CDH18: variants seen among roughly 807,000 people sequenced by gnomAD.
The protein encoded by CDH18 is cadherin 18, also known as cadherin-18.
In CDH18, 31 loss-of-function variants were observed where a neutral mutation model predicts 67.9. That is an observed-to-expected ratio of 0.46 (90% CI 0.34 to 0.62). CDH18 has a LOEUF of 0.62. Among genes scored for constraint, CDH18 ranks in the 20% least tolerant of loss-of-function variants. The probability of loss-of-function intolerance (pLI) is 0.01; values close to 1 mark genes in which losing one functional copy is unlikely to be tolerated. For missense variants in CDH18, 890 were observed against 975.5 expected (o/e 0.91, Z 1.17); for synonymous variants, 362 against 347.2 (o/e 1.04, Z -0.48).
chr5:19,855,142 C>A (rs1364650839), intron 2 of CDH18, among the ~76,000 whole-genome samples: 1 of 152,132 alleles, frequency 6.6e-6, no homozygotes, highest in Non-Finnish European at 1.5e-5. Flanking sequence ...ACGTACCATT[C>A]ATTGAATCTC....
At chr5:20,082,170 G>T (rs1333464456) in intron 2 of CDH18, among the ~76,000 whole-genome samples, 1 of 150,918 alleles carries the variant, frequency 6.6e-6, no homozygotes, top group Non-Finnish European at 1.5e-5. Context: ...TTAATCCTCA[G>T]TTTAAGGTAC....
chr5:20,020,527 G>A (rs1738319964), intron 2 of CDH18, among the ~76,000 whole-genome samples: 1 of 152,140 alleles, frequency 6.6e-6, no homozygotes, highest in Admixed American at 6.5e-5. Context: ...ACTGCTCCCT[G>A]CATCCCAGCT....
At chr5:20,153,865 A>G (rs1751321182) in intron 2 of CDH18, among the ~76,000 whole-genome samples, 1 of 152,182 alleles carries the variant, frequency 6.6e-6, no homozygotes, top group Non-Finnish European at 1.5e-5. Flanking sequence ...GTCTCCGAAT[A>G]CTTTGGGGGT....
At chr5:20,169,148 T>C (rs940173341) in intron 2 of CDH18, among the ~76,000 whole-genome samples, 1 of 152,154 alleles carries the variant, frequency 6.6e-6, no homozygotes, top group African/African-American at 2.4e-5. Flanking sequence ...TTGGATTGTT[T>C]GTAACATAAA....
intron 1 of CDH18, among the ~76,000 whole-genome samples, chr5:20,429,958 G>A (rs10042209): frequency 0.22 from 33,519 of 151,964 alleles, 3,874 homozygotes; most frequent in East Asian, 0.3. Context: ...TTTGATACAA[G>A]TATTTCCCAG....
intron 2 of CDH18, among the ~76,000 whole-genome samples, chr5:20,140,708 T>C (rs960557556): frequency 6.6e-6 from 1 of 152,146 alleles, no homozygotes; most frequent in Non-Finnish European, 1.5e-5. Flanking sequence ...AACAAGTTAT[T>C]AATTTTCATT....
At chr5:19,841,940 A>C (rs1484146790) in intron 2 of CDH18, among the ~76,000 whole-genome samples, 2 of 152,258 alleles carry the variant, frequency 1.3e-5, no homozygotes, top group East Asian at 3.8e-4. Flanking sequence ...GAACAAATGT[A>C]AACATCACTA....
chr5:19,937,545 C>T (rs903155819), intron 2 of CDH18, among the ~76,000 whole-genome samples: 4 of 151,418 alleles, frequency 2.6e-5, no homozygotes, highest in Middle Eastern at 3.4e-3. Flanking sequence ...CTATAGCAAA[C>T]GAATGCACAC....
chr5:20,328,690 A>G (rs550959601), intron 1 of CDH18, among the ~76,000 whole-genome samples: 37 of 152,276 alleles, frequency 2.4e-4, no homozygotes, highest in African/African-American at 8.4e-4. Flanking sequence ...ACCTGCCTCA[A>G]TCACTTTTTG....
At chr5:19,653,672 A>G (rs116121120) in intron 5 of CDH18, among the ~76,000 whole-genome samples, 188 of 152,162 alleles carry the variant, frequency 1.2e-3, no homozygotes, top group African/African-American at 4.4e-3. Flanking sequence ...AGGCCATCTC[A>G]TTTTGCTGGT....
At chr5:20,201,574 T>C (rs559367738) in intron 2 of CDH18, among the ~76,000 whole-genome samples, 110 of 152,224 alleles carry the variant, frequency 7.2e-4, no homozygotes, top group Non-Finnish European at 1.1e-3. Context: ...ATACTTATCA[T>C]TTGAATCAAA....
At chr5:19,615,807 T>G (rs574364963) in intron 5 of CDH18, among the ~76,000 whole-genome samples, 1 of 152,334 alleles carries the variant, frequency 6.6e-6, no homozygotes, top group African/African-American at 2.4e-5. Context: ...CAGATTGATT[T>G]CTTTTACTTA....
intron 2 of CDH18, among the ~76,000 whole-genome samples, chr5:20,072,728 A>G (rs78081061): frequency 0.012 from 1,753 of 152,064 alleles, 38 homozygotes; most frequent in African/African-American, 0.04. Flanking sequence ...AAAAATATTC[A>G]AAATATTTTT....
At chr5:19,975,580 A>C (rs1013977866) in intron 2 of CDH18, among the ~76,000 whole-genome samples, 3 of 152,182 alleles carry the variant, frequency 2.0e-5, no homozygotes, top group Admixed American at 6.5e-5. Flanking sequence ...TAAATATTTT[A>C]TGTCTCTCAG....
chr5:19,924,370 C>T (rs1367794243), intron 2 of CDH18, among the ~76,000 whole-genome samples: 1 of 152,094 alleles, frequency 6.6e-6, no homozygotes, highest in African/African-American at 2.4e-5. Context: ...GTTGTGGTGG[C>T]TCACGCCTAT....
At chr5:19,956,785 CTT>C (rs1461618452) in intron 2 of CDH18, among the ~76,000 whole-genome samples, 1 of 151,580 alleles carries the variant, frequency 6.6e-6, no homozygotes, top group Non-Finnish European at 1.5e-5. Flanking sequence ...TTTAATTTAT[CTT>C]TTTCTCCTGC....
At chr5:19,694,685 G>A (rs987245231) in intron 5 of CDH18, among the ~76,000 whole-genome samples, 1 of 150,970 alleles carries the variant, frequency 6.6e-6, no homozygotes, top group East Asian at 2.0e-4. Flanking sequence ...GTCTGTGTGT[G>A]TTTATTTTTT....
chr5:19,798,789 G>A (rs971462661), intron 3 of CDH18, among the ~76,000 whole-genome samples: 2 of 151,726 alleles, frequency 1.3e-5, no homozygotes, highest in Non-Finnish European at 2.9e-5. Context: ...ATATATTACT[G>A]GATTTTTAGG....
At chr5:20,079,135 G>A (rs886117800) in intron 2 of CDH18, among the ~76,000 whole-genome samples, 2 of 151,910 alleles carry the variant, frequency 1.3e-5, no homozygotes, top group African/African-American at 2.4e-5. Flanking sequence ...TAGTCACCAC[G>A]CCATGCAATA....
Sources: gnomAD v4.1 joint callset for allele counts (sites outside exome capture counted in the v4.1 genomes callset) on GRCh38, gnomAD v4.1.1 for gene constraint, MANE v1.5 for transcripts, NCBI Gene and HGNC (gene_info 2026-07-23, HGNC 2026-07-21) for gene names.